The following FAM120B variants were observed in gnomAD, a reference collection of about 807,000 sequenced individuals.
The protein encoded by FAM120B is family with sequence similarity 120 member B.
FAM120B carries 83 observed loss-of-function variants against 96.3 expected under a neutral mutation model. The ratio of observed to expected loss-of-function variants is 0.86; its 90% CI spans 0.72 to 1.03. FAM120B has a LOEUF of 1.03. Ranked by LOEUF, FAM120B falls within the 50% of genes least tolerant of loss-of-function variation. The pLI is 0.00. For synonymous variants in FAM120B, 407 were observed against 402.7 expected (o/e 1.01, Z -0.13); for missense variants, 1,027 against 1,121.2 (o/e 0.92, Z 1.20).
At chr6:170,364,356 G>A (rs1390791403) in intron 6 of FAM120B, among the ~76,000 whole-genome samples, 3 of 152,180 alleles carry the variant, frequency 2.0e-5, no homozygotes, top group African/African-American at 7.2e-5. Flanking sequence ...GGTTGGTCTG[G>A]TGTGTGTTCT....
In FAM120B at chr6:170,363,309, G is replaced by A. The variant is rs1788579300; in HGVS notation, c.2283+4991G>A. 6.6e-6 allele frequency among the ~76,000 whole-genome samples: 1 copy of A among 152,226 alleles called. No homozygotes were observed. The highest frequency in any genetic ancestry group is 2.4e-5 in the African/African-American group (1 of 41,462). On this transcript the variant is annotated intron_variant, in intron 6 of 10. Transcript: ENST00000476287. This position sits in a 1 kb window ranked among gnomAD's most constrained non-coding sequence, Gnocchi z 4.5. ...AAATTAAAAGGAAAAGATGTGAGTT[G>A]ATGAAAGATAAAATTTTACTATAAA...
At chr6:170,306,192 T>G (rs1390964655), upstream of FAM120B, among the ~76,000 whole-genome samples, 1 of 152,178 alleles carries the variant, frequency 6.6e-6, no homozygotes, top group South Asian at 2.1e-4. Flanking sequence ...CAGCGCTGAC[T>G]GGGGCCGCGC....
intron 8 of FAM120B, among the ~76,000 whole-genome samples, chr6:170,394,832 C>T (rs891816735): frequency 6.6e-6 from 1 of 152,262 alleles, no homozygotes; most frequent in Non-Finnish European, 1.5e-5. Context: ...CACTGGGAGT[C>T]CTGGTCACAG....
chr6:170,326,528 A>G (rs566497880), intron 3 of FAM120B, among the ~76,000 whole-genome samples: 6 of 152,296 alleles, frequency 3.9e-5, no homozygotes, highest in African/African-American at 1.4e-4. Flanking sequence ...ATAATACATG[A>G]GGGGTTGGCA....
intron 6 of FAM120B, among the ~76,000 whole-genome samples, chr6:170,384,036 C>A (rs950407099): frequency 7.2e-5 from 11 of 152,146 alleles, no homozygotes; most frequent in Non-Finnish European, 1.6e-4. Flanking sequence ...AAGCCAATCC[C>A]AAAAGGTCAC....
rs1274823167 is a variant in FAM120B, at chr6:170,318,849, A to G, written c.1459A>G (p.Ile487Val). The G allele has an allele frequency of 6.2e-7, 1 of 1,614,228 alleles. No homozygotes were observed. The highest frequency in any genetic ancestry group is 1.7e-5 in the Admixed American group (1 of 60,028). ...CCCTGAATCCAGGCAAGAAGTTTTA[A>G]TACGGACAGACCCTGAATCTAGGCA... ...TGPESRQEVL[I>V]RTDPESRQEI... The change falls in exon 2 of 11, where the codon ATA becomes GTA. Residue 487 changes from isoleucine to valine, a missense_variant. By Grantham distance (29) the Ile-to-Val change is conservative. Transcript: ENST00000476287.
In FAM120B at chr6:170,318,973, T is replaced by A. The variant is rs772230699; in HGVS notation, c.1583T>A (p.Ile528Asn). ...GACTCCATGTGTACACACGCTGAAATCAATCAAAAATTACCTGTAGCAACA... is the reference window on the plus strand; with the variant it reads ...GACTCCATGTGTACACACGCTGAAAACAATCAAAAATTACCTGTAGCAACA... ...QEDSMCTHAE[I>N]NQKLPVATDF... Residue 528 changes from isoleucine to asparagine, a missense_variant, in exon 2 of 11, where the codon ATC (isoleucine) becomes AAC (asparagine). Coordinates refer to ENST00000476287, the MANE Select transcript of FAM120B (RefSeq NM_032448.3). 2 of 1,614,036 alleles carry A rather than the reference T, an allele frequency of 1.2e-6. No individual in the cohort carries two copies.
At chr6:170,343,876 C>T (rs1051017886) in intron 4 of FAM120B, among the ~76,000 whole-genome samples, 2 of 152,176 alleles carry the variant, frequency 1.3e-5, no homozygotes, top group Non-Finnish European at 2.9e-5. Flanking sequence ...ATGTCACTTA[C>T]GTGTCACGGC....
chr6:170,390,357 A>C (rs1232304202), intron 7 of FAM120B, among the ~76,000 whole-genome samples: 1 of 152,200 alleles, frequency 6.6e-6, no homozygotes, highest in African/African-American at 2.4e-5. Context: ...TGGAAAGTAG[A>C]CTGTAGAAAT....
At chr6:170,319,373 G>A (rs1270659820) in intron 2 of FAM120B, among the ~76,000 whole-genome samples, 1 of 152,192 alleles carries the variant, frequency 6.6e-6, no homozygotes, top group Non-Finnish European at 1.5e-5. Context: ...GTGGGTTAAA[G>A]TACAGGGAGA....
At chr6:170,347,642 A>G (rs923058799) in intron 4 of FAM120B, among the ~76,000 whole-genome samples, 2 of 152,212 alleles carry the variant, frequency 1.3e-5, no homozygotes, top group Admixed American at 1.3e-4. Context: ...CCAGGCACCC[A>G]TACCTGTCTA....
At chr6:170,310,388 A>T (rs1784523796) in intron 1 of FAM120B, among the ~76,000 whole-genome samples, 1 of 152,236 alleles carries the variant, frequency 6.6e-6, no homozygotes, top group African/African-American at 2.4e-5. Context: ...GTAAGGAAAC[A>T]TCCCACAGGG....
In FAM120B at chr6:170,319,117, T is replaced by C. The variant is rs747554498; in HGVS notation, c.1727T>C (p.Ile576Thr). ...GTAACCATGGTTTCAGACACTGAAA[T>C]CTTAAAGGTATGTGTATCTGCCCAG... ...QQVTMVSDTEILKVARTHHVQ... is the reference protein window; with the variant it reads ...QQVTMVSDTETLKVARTHHVQ... Residue 576 changes from isoleucine (I) to threonine (T), a missense_variant, in exon 2 of 11, where the codon ATC becomes ACC. Around this residue, in one of 3 missense-constraint regions of FAM120B, gnomAD observed 880 missense variants for 980.9 expected, o/e 0.90. Coordinates refer to ENST00000476287, the MANE Select transcript of FAM120B (RefSeq NM_032448.3). 3.8e-5 allele frequency: 59 copies of C among 1,558,390 alleles called. No homozygotes were observed. Among genetic ancestry groups the C allele is most frequent in the Non-Finnish European group, 5.1e-5 (59 of 1,159,082 alleles).
intron 8 of FAM120B, 98 bp downstream of exon 8, chr6:170,391,219 T>A: frequency 1.2e-6 from 1 of 832,056 alleles, no homozygotes; most frequent in Non-Finnish European, 2.0e-6. Context: ...GAGGCTGATA[T>A]AATTGGATGA....
At chr6:170,349,814 G>T (rs1339029449) in intron 5 of FAM120B, among the ~76,000 whole-genome samples, 2 of 152,172 alleles carry the variant, frequency 1.3e-5, no homozygotes, top group African/African-American at 4.8e-5. Flanking sequence ...GAAATACTCA[G>T]ATTTTCACAT....
intron 9 of FAM120B, among the ~76,000 whole-genome samples, chr6:170,400,543 T>A (rs1778512745): frequency 1.3e-5 from 2 of 152,142 alleles, no homozygotes; most frequent in Admixed American, 1.3e-4. Flanking sequence ...CCTTAGGGGA[T>A]CCCTGGACCA....
At chr6:170,315,542 A>T (rs532446354) in intron 1 of FAM120B, among the ~76,000 whole-genome samples, 2 of 152,198 alleles carry the variant, frequency 1.3e-5, no homozygotes, top group Admixed American at 1.3e-4. Flanking sequence ...TACCTTGGCT[A>T]TGTTTCCAAG....
chr6:170,347,301 G>C (rs1033782410), intron 4 of FAM120B, among the ~76,000 whole-genome samples: 6 of 152,164 alleles, frequency 3.9e-5, no homozygotes, highest in African/African-American at 1.2e-4. Context: ...GCTGTGGATA[G>C]CAAGGGAGGA....
chr6:170,349,041 C>A (rs1040714267), intron 5 of FAM120B, among the ~76,000 whole-genome samples: 5 of 152,198 alleles, frequency 3.3e-5, no homozygotes, highest in African/African-American at 1.2e-4. Flanking sequence ...AAAAGATTCA[C>A]CTTTTTAATA....
Sources: allele counts gnomAD v4.1 joint callset (sites outside exome capture counted in the v4.1 genomes callset), GRCh38; gene constraint gnomAD v4.1.1; regional missense constraint gnomAD v4.1.1; non-coding constraint Gnocchi (gnomAD v3.1); transcripts MANE v1.5; gene names NCBI Gene and HGNC (gene_info 2026-07-23, HGNC 2026-07-21).